ZNF324B: variants seen among roughly 807,000 people sequenced by gnomAD.
ZNF324B encodes the protein zinc finger protein 324B.
In ZNF324B, 7 loss-of-function variants were observed where a neutral mutation model predicts 10.6. That is an observed-to-expected ratio of 0.66 (90% CI 0.38 to 1.24). The LOEUF (loss-of-function observed/expected upper bound fraction) is 1.24, where lower values mean the gene tolerates loss of function less well. Ranked by LOEUF, ZNF324B falls within the 50% of genes most tolerant of loss-of-function variation. ZNF324B has a pLI of 0.02. For missense variants in ZNF324B, 640 were observed against 764.7 expected (o/e 0.84, Z 1.92); for synonymous variants, 316 against 321.0 (o/e 0.98, Z 0.17).
chr19:58,429,134 A>G, the ZNF324B span: 2 of 152,152 alleles, frequency 1.3e-5, no homozygotes, highest in Non-Finnish European at 2.9e-5. Context: ...TGGACTGAGC[A>G]CTCTTCCTGC....
At chr19:58,434,043 GTC>G in the ZNF324B span, 1 of 1,614,156 alleles carries the variant, frequency 6.2e-7, no homozygotes, top group Non-Finnish European at 8.5e-7. Context: ...TTTGGCTGAA[GTC>G]TCTTCCACAT....
At chr19:58,450,344 A>C (rs1189757410), upstream of ZNF324B, among the ~76,000 whole-genome samples, 2 of 152,008 alleles carry the variant, frequency 1.3e-5, no homozygotes, top group African/African-American at 2.4e-5. Flanking sequence ...TCCTGCCTGT[A>C]GTTCCAGCTA....
the ZNF324B span, chr19:58,433,614 T>C: frequency 6.2e-7 from 1 of 1,614,160 alleles, no homozygotes; most frequent in South Asian, 1.1e-5. Flanking sequence ...GGCTGGATTT[T>C]CGGCTAAAGA....
At chr19:58,423,957 G>A in the ZNF324B span, among the ~76,000 whole-genome samples, 2 of 151,852 alleles carry the variant, frequency 1.3e-5, no homozygotes, top group African/African-American at 2.4e-5. Context: ...GAAAAACAAG[G>A]GGGTCGGGGC....
the ZNF324B span, among the ~76,000 whole-genome samples, chr19:58,439,159 C>A: frequency 3.3e-5 from 5 of 152,162 alleles, no homozygotes; most frequent in South Asian, 2.1e-4. Flanking sequence ...AGAAGCCAAC[C>A]ATCTGTCCTA....
chr19:58,427,811 A>G, the ZNF324B span, among the ~76,000 whole-genome samples: 2 of 152,126 alleles, frequency 1.3e-5, no homozygotes, highest in African/African-American at 4.8e-5. Context: ...CATGCCCAGC[A>G]CCATCTTATG....
chr19:58,453,658 C>G (rs2052883908), intron 1 of ZNF324B, 38 bp from the exon 2 acceptor site: 1 of 1,614,100 alleles, frequency 6.2e-7, no homozygotes, highest in Non-Finnish European at 8.5e-7. Context: ...ACAGCCATAC[C>G]TTAGACCATG....
At chr19:58,454,430 C>A in intron 3 of ZNF324B, 86 bp downstream of exon 3, 1 of 860,168 alleles carries the variant, frequency 1.2e-6, no homozygotes, top group Non-Finnish European at 2.0e-6. Flanking sequence ...GAAACACATC[C>A]TCCTCTCCTG....
chr19:58,453,843 T>C (rs1302464148), intron 2 of ZNF324B, 21 bp downstream of exon 2: 10 of 1,608,258 alleles, frequency 6.2e-6, no homozygotes, highest in East Asian at 2.2e-5. Flanking sequence ...GGGTGCTCCA[T>C]GAAAAGTGCA....
the ZNF324B span, chr19:58,444,105 C>T: frequency 3.3e-5 from 5 of 152,252 alleles, no homozygotes; most frequent in Non-Finnish European, 5.9e-5. Flanking sequence ...CACCTGGTAC[C>T]TGAGTTGTGC....
the ZNF324B span, among the ~76,000 whole-genome samples, chr19:58,423,551 C>G: frequency 0.16 from 24,757 of 152,144 alleles, 2,437 homozygotes; most frequent in Non-Finnish European, 0.22. Flanking sequence ...CATTTTTTCC[C>G]CACAGAATTA....
upstream of ZNF324B, among the ~76,000 whole-genome samples, chr19:58,450,246 T>G (rs2052845852): frequency 1.3e-5 from 2 of 152,144 alleles, no homozygotes. Flanking sequence ...ATGAGTCCAC[T>G]AAACCTCTTT....
intron 1 of ZNF324B, among the ~76,000 whole-genome samples, chr19:58,453,004 G>T (rs1391046592): frequency 1.3e-5 from 2 of 151,994 alleles, no homozygotes; most frequent in Non-Finnish European, 2.9e-5. Context: ...GAACCCGGGA[G>T]CCGGAGCTTG....
the ZNF324B span, chr19:58,433,371 G>C: frequency 1.2e-6 from 2 of 1,614,224 alleles, no homozygotes; most frequent in Admixed American, 3.3e-5. Flanking sequence ...GATGGCTGAA[G>C]AGTTTCCCAC....
chr19:58,445,688 A>C, the ZNF324B span: 1 of 342,006 alleles, frequency 2.9e-6, no homozygotes, highest in Non-Finnish European at 5.7e-6. Flanking sequence ...GGTAACGCCC[A>C]TCTGTAATCC....
intron 3 of ZNF324B, 59 bp downstream of exon 3, chr19:58,454,403 C>G (rs1421900025): frequency 9.2e-7 from 1 of 1,086,908 alleles, no homozygotes; most frequent in Non-Finnish European, 1.4e-6. Flanking sequence ...GCCCATGTCC[C>G]TGCTTTTCTG....
At chr19:58,425,694 C>T in the ZNF324B span, among the ~76,000 whole-genome samples, 1 of 152,112 alleles carries the variant, frequency 6.6e-6, no homozygotes, top group Admixed American at 6.5e-5. Context: ...TGGTCTCAAA[C>T]TCCCAACCTC....
the ZNF324B span, chr19:58,434,768 G>A: frequency 6.2e-7 from 1 of 1,614,246 alleles, no homozygotes; most frequent in Middle Eastern, 1.6e-4. Context: ...ACTTCTGGAA[G>A]CTGCCCAAGA....
chr19:58,435,138 C>A, the ZNF324B span: 7 of 1,614,184 alleles, frequency 4.3e-6, no homozygotes, highest in Admixed American at 1.7e-5. Flanking sequence ...CATTAGGGAT[C>A]CTGACCTGTA....
Sources: gnomAD v4.1 joint callset for allele counts (sites outside exome capture counted in the v4.1 genomes callset) on GRCh38, gnomAD v4.1.1 for gene constraint, MANE v1.5 for transcripts, NCBI Gene and HGNC (gene_info 2026-07-23, HGNC 2026-07-21) for gene names.